Variants in SMARCA2 observed in about 807,000 individuals in gnomAD.
The protein encoded by SMARCA2 is SWI/SNF-related matrix-associated actin-dependent regulator of chromatin subfamily A member 2.
Under a neutral mutation model 199.8 loss-of-function variants are expected in SMARCA2, and 61 were observed. The ratio of observed to expected loss-of-function variants is 0.31; its 90% CI spans 0.25 to 0.38. The LOEUF is 0.38. Ranked by LOEUF, SMARCA2 falls within the 10% of genes least tolerant of loss-of-function variation. SMARCA2 has a pLI of 1.00. For synonymous variants in SMARCA2, 935 were observed against 732.0 expected (o/e 1.28, Z -4.48); for missense variants, 1,344 against 2,012.2 (o/e 0.67, Z 6.35).
chr9:2,061,265 A>G (rs1034342795), intron 9 of SMARCA2, among the ~76,000 whole-genome samples: 1 of 152,228 alleles, frequency 6.6e-6, no homozygotes, highest in Non-Finnish European at 1.5e-5. Flanking sequence ...CATACAGTCA[A>G]TTGGGAAAGG....
chr9:2,162,014 C>T, intron 28 of SMARCA2, 111 bp downstream of exon 28: 2 of 797,058 alleles, frequency 2.5e-6, no homozygotes, highest in Non-Finnish European at 3.9e-6. Flanking sequence ...AAGGTTCTTT[C>T]TAGTTTGTGT....
intron 17 of SMARCA2, 134 bp downstream of exon 17, chr9:2,084,330 A>G: frequency 1.7e-6 from 1 of 576,904 alleles, no homozygotes; most frequent in South Asian, 2.3e-5. Flanking sequence ...ATTTTTTCAG[A>G]GTTTGATATG....
intron 23 of SMARCA2, among the ~76,000 whole-genome samples, chr9:2,106,574 C>G (rs188370832): frequency 6.6e-6 from 1 of 152,302 alleles, no homozygotes; most frequent in Admixed American, 6.5e-5. Flanking sequence ...AGTTAGTACA[C>G]ACACTTCCAG....
intron 2 of SMARCA2, among the ~76,000 whole-genome samples, chr9:2,031,920 GC>G (rs1352007096): frequency 3.9e-5 from 6 of 152,224 alleles, no homozygotes; most frequent in Admixed American, 2.6e-4. Flanking sequence ...TAAACAAGTG[GC>G]CTAAATACAT....
intron 29 of SMARCA2, among the ~76,000 whole-genome samples, chr9:2,175,516 T>G (rs1055461465): frequency 1.3e-5 from 2 of 152,210 alleles, no homozygotes; most frequent in Non-Finnish European, 2.9e-5. Flanking sequence ...TATGTGATAG[T>G]TAAAAAGTGC....
intron 29 of SMARCA2, chr9:2,181,299 A>ATATT: frequency 3.8e-6 from 1 of 265,638 alleles, no homozygotes; most frequent in South Asian, 4.9e-5. Flanking sequence ...ATAAAGAGAT[A>ATATT]TATTTGCTCT....
intron 27 of SMARCA2, among the ~76,000 whole-genome samples, chr9:2,141,612 G>A (rs747287781): frequency 9.2e-5 from 14 of 152,202 alleles, no homozygotes; most frequent in Admixed American, 2.6e-4. Context: ...TAAAGAGGTG[G>A]GGCTGGAGTA....
rs192313923 is a variant in SMARCA2 at position 2,053,365 on chromosome 9, G to A, written c.1047-1232G>A. Among the ~76,000 whole-genome samples the A allele has an allele frequency of 3.6e-3, 543 of 152,232 alleles. 3 individuals carry two copies. The highest frequency in any genetic ancestry group is 6.8e-3 in the Middle Eastern group (2 of 294). On this transcript the variant is annotated intron_variant, in intron 5 of 33. Coordinates refer to ENST00000349721, the MANE Select transcript of SMARCA2 (RefSeq NM_003070.5). ...GAATTCTTAATTTTCAGCTTTTATA[G>A]TTGAGGTCCAGGAAGGTTCTCGGAA...
rs770522085 is a variant in SMARCA2 at position 2,182,216 on chromosome 9, C to G, written c.4435C>G (p.Gln1479Glu). The change falls in exon 31 of 34, where the codon CAG becomes GAG. Residue 1479 changes from glutamine (Q) to glutamate (E), a missense_variant. Transcript: ENST00000349721. ...TGTCATGCTTCTCTGTCACAACGCT[C>G]AGACGTTCAACCTGGAGGGATCCCA... ...KDVMLLCHNA[Q>E]TFNLEGSQIY... 1 of 1,613,126 alleles carries G rather than the reference C, an allele frequency of 6.2e-7. No homozygotes were observed. Among genetic ancestry groups the G allele is most frequent in the East Asian group, 2.2e-5 (1 of 44,870 alleles).
chr9:2,124,940 G>A (rs1823623228), intron 27 of SMARCA2, among the ~76,000 whole-genome samples: 1 of 152,144 alleles, frequency 6.6e-6, no homozygotes, highest in Non-Finnish European at 1.5e-5. Context: ...GTGTAGTTGG[G>A]TAAAAACCAA....
chr9:2,172,121 G>T (rs1419073760), intron 29 of SMARCA2, among the ~76,000 whole-genome samples: 2 of 152,156 alleles, frequency 1.3e-5, no homozygotes, highest in African/African-American at 4.8e-5. Context: ...ATAAGCCTGA[G>T]CTGACAACAT....
chr9:2,109,708 A>G (rs1257745759), intron 23 of SMARCA2, among the ~76,000 whole-genome samples: 2 of 152,204 alleles, frequency 1.3e-5, no homozygotes, highest in Non-Finnish European at 2.9e-5. Context: ...AAAAAAAATT[A>G]CATTCATAAT....
chr9:2,041,286 G>C (rs1289573315), intron 4 of SMARCA2: 2 of 398,418 alleles, frequency 5.0e-6, no homozygotes, highest in Non-Finnish European at 8.8e-6. Context: ...GTAATGAAAG[G>C]TCATTGACTG....
rs141309817 is a variant in SMARCA2, at chr9:2,157,243, T to C, written c.3982-4443T>C. Among the ~76,000 whole-genome samples the C allele has an allele frequency of 2.7e-4, 41 of 152,310 alleles. 1 individual carries two copies. In the East Asian group the frequency reaches 7.1e-3, roughly 27 times the overall value. On this transcript the variant is annotated intron_variant, in intron 27 of 33. Coordinates refer to ENST00000349721, the MANE Select transcript of SMARCA2 (RefSeq NM_003070.5). Reference sequence around the variant, plus strand: ...GCCATTGCTTTTCTTGTTTGGGGGATCATTACTGTATTATTGGCTTCCAGG... The same window carrying C: ...GCCATTGCTTTTCTTGTTTGGGGGACCATTACTGTATTATTGGCTTCCAGG...
At chr9:2,077,258 A>C (rs1821369390) in intron 13 of SMARCA2, among the ~76,000 whole-genome samples, 1 of 152,226 alleles carries the variant, frequency 6.6e-6, no homozygotes, top group Non-Finnish European at 1.5e-5. Context: ...TTAACAGTCT[A>C]GGACAGCTTC....
At chr9:2,095,045 T>C (rs1822213174) in intron 19 of SMARCA2, among the ~76,000 whole-genome samples, 1 of 152,130 alleles carries the variant, frequency 6.6e-6, no homozygotes, top group African/African-American at 2.4e-5. Context: ...TAAAATATTA[T>C]ACCTTGATAC....
At chr9:2,081,747 A>G (rs1821576070) in intron 14 of SMARCA2, 85 bp from the exon 15 acceptor site, 2 of 1,248,624 alleles carry the variant, frequency 1.6e-6, no homozygotes, top group Non-Finnish European at 2.3e-6. Flanking sequence ...TGAGGAGTTA[A>G]GAAGTCACAC....
intron 25 of SMARCA2, among the ~76,000 whole-genome samples, chr9:2,117,307 C>T (rs1823256216): frequency 2.0e-5 from 3 of 151,836 alleles, no homozygotes; most frequent in African/African-American, 4.8e-5. Context: ...CTAATTTGTC[C>T]GTCTTATATT....
chr9:2,147,154 G>A (rs1824796030), intron 27 of SMARCA2, among the ~76,000 whole-genome samples: 1 of 149,326 alleles, frequency 6.7e-6, no homozygotes, highest in Admixed American at 6.8e-5. Flanking sequence ...TAAGATCTGA[G>A]CAATAGGATA....
Sources: gnomAD v4.1 joint callset for allele counts (sites outside exome capture counted in the v4.1 genomes callset) on GRCh38, gnomAD v4.1.1 for gene constraint, MANE v1.5 for transcripts, NCBI Gene and HGNC (gene_info 2026-07-23, HGNC 2026-07-21) for gene names.